The following USP7 variants were observed in gnomAD, a reference collection of about 807,000 sequenced individuals.
The protein encoded by USP7 is ubiquitin specific peptidase 7.
A neutral mutation model predicts 162.9 loss-of-function variants in USP7; 9 were observed. The ratio of observed to expected loss-of-function variants is 0.06; its 90% confidence interval spans 0.03 to 0.10. The LOEUF (loss-of-function observed/expected upper bound fraction) is 0.10. Ranked by LOEUF, USP7 falls within the 10% of genes least tolerant of loss-of-function variation. USP7 has a pLI of 1.00. For missense variants in USP7, 715 were observed against 1,373.7 expected, an observed-to-expected ratio of 0.52 and a Z score of 7.58; for synonymous variants, 562 against 475.9, an observed-to-expected ratio of 1.18 and a Z score of -2.35.
chr16:8,894,058 G>T lies in USP7; in HGVS notation c.3249C>A (p.Asn1083Lys). The T allele has an allele frequency of 6.2e-7, 1 of 1,614,184 alleles. No homozygotes were observed. The highest frequency in any genetic ancestry group is 8.5e-7 in the Non-Finnish European group (1 of 1,180,030). ...TGTAGCGACTCCTCTTTGGGGCTTT[G>T]TTGAAGTGGTCGAGCCCTAGCCAAG... ...PRPWLGLDHF[N>K]KAPKRSRYTY... The change falls in exon 31 of 31, where the codon AAC becomes AAA. Residue 1083 changes from asparagine (N) to lysine (K), a missense_variant. Physicochemically the swap from Asn to Lys is moderately conservative, Grantham distance 94. Around this residue, in one of 11 missense-constraint regions of USP7, gnomAD observed 222 missense variants for 441.7 expected, o/e 0.50. Transcript: ENST00000344836.
intron 2 of USP7, among the ~76,000 whole-genome samples, chr16:8,927,275 T>C (rs1186229879): frequency 1.3e-5 from 2 of 149,886 alleles, no homozygotes; most frequent in Middle Eastern, 3.4e-3. Flanking sequence ...TGAACCGAGA[T>C]TGCGCCACTG....
At chr16:8,936,818 A>G in intron 1 of USP7, 4 of 1,152,394 alleles carry the variant, frequency 3.5e-6, no homozygotes, top group Non-Finnish European at 4.4e-6. Flanking sequence ...AGAAGAGGAT[A>G]TTAATGGAAA....
intron 30 of USP7, 137 bp downstream of exon 30, chr16:8,894,413 T>C (rs1322443721): frequency 1.3e-6 from 1 of 765,778 alleles, no homozygotes; most frequent in Non-Finnish European, 2.1e-6. Flanking sequence ...TGGAATGCTA[T>C]TGCTCCTGGT....
At chr16:8,902,717 G>T (rs566529604) in intron 16 of USP7, among the ~76,000 whole-genome samples, 1 of 151,944 alleles carries the variant, frequency 6.6e-6, no homozygotes, top group Non-Finnish European at 1.5e-5. Context: ...GTGAACTCTC[G>T]TCTCTACTAA....
At chr16:8,912,269 T>G (rs1299584389) in intron 10 of USP7, among the ~76,000 whole-genome samples, 1 of 151,608 alleles carries the variant, frequency 6.6e-6, no homozygotes, top group African/African-American at 2.4e-5. Context: ...CTGGCCAACA[T>G]GGTGAAACCC....
At chr16:8,946,279 C>CACA (rs914841175) in intron 1 of USP7, among the ~76,000 whole-genome samples, 5 of 152,122 alleles carry the variant, frequency 3.3e-5, no homozygotes, top group African/African-American at 1.2e-4. Context: ...AAAAACAAAA[C>CACA]ACAACAACAA....
intron 2 of USP7, among the ~76,000 whole-genome samples, chr16:8,928,694 G>A (rs1053147489): frequency 2.0e-5 from 3 of 152,204 alleles, no homozygotes; most frequent in African/African-American, 7.2e-5. Context: ...AAGGAAAGGT[G>A]CTACGGAAGA....
At chr16:8,909,272 T>C (rs1033596043) in intron 11 of USP7, among the ~76,000 whole-genome samples, 2 of 152,186 alleles carry the variant, frequency 1.3e-5, no homozygotes, top group Non-Finnish European at 2.9e-5. Flanking sequence ...CTATTTCCAA[T>C]GCAGACCTTC....
intron 1 of USP7, among the ~76,000 whole-genome samples, chr16:8,941,050 T>C (rs1282890398): frequency 3.3e-5 from 5 of 152,206 alleles, no homozygotes; most frequent in African/African-American, 9.7e-5. Flanking sequence ...CAGCCACTGA[T>C]TGGAAAGTGG....
In USP7 at chr16:8,893,160, T is replaced by G. The variant is rs1229651324; in HGVS notation, c.*838A>C. ...TAACTTTTTTACAAAGTCGACAGCT[T>G]ACTAACCACTAGTGAGCATGCCCTC... On this transcript the variant is annotated 3_prime_UTR_variant, in exon 31 of 31. Coordinates refer to ENST00000344836, the MANE Select transcript of USP7 (RefSeq NM_003470.3). 6.6e-6 allele frequency: 1 copy of G among 152,240 alleles called. No individual in the cohort carries two copies. The highest frequency in any genetic ancestry group is 1.9e-4 in the East Asian group (1 of 5,202). 9.4% of individuals were successfully genotyped at this position (152,240 alleles called of 1,614,324 possible).
intron 1 of USP7, chr16:8,936,768 C>T: frequency 7.6e-7 from 1 of 1,312,416 alleles, no homozygotes; most frequent in Non-Finnish European, 9.7e-7. Context: ...GGACCAGAAA[C>T]ATTCAAGCAA....
In USP7 at chr16:8,915,314, G is replaced by A. The variant is rs944748771; in HGVS notation, c.1018C>T (p.Arg340Trp). 4 of 1,612,810 alleles carry A rather than the reference G, an allele frequency of 2.5e-6. No homozygotes were observed. Among genetic ancestry groups the A allele is most frequent in the Non-Finnish European group, 2.5e-6 (3 of 1,179,766 alleles). Residue 340 changes from arginine to tryptophan, a missense_variant, in exon 10 of 31, where the codon CGG (arginine) becomes TGG (tryptophan). By Grantham distance (101) the Arg-to-Trp change is moderately radical. This residue lies in a region of USP7 where 15 missense variants were observed against 27.0 expected (regional missense o/e 0.56). Transcript: ENST00000344836. Reference protein sequence around the residue: ...SYIQCKEVDYRSDRREDYYDI... With the variant: ...SYIQCKEVDYWSDRREDYYDI... ...TAATAATCTTCTCTTCTATCAGACCGATAGTCTACTTCTTTACACTGGATA... is the reference window on the plus strand; with the variant it reads ...TAATAATCTTCTCTTCTATCAGACCAATAGTCTACTTCTTTACACTGGATA...
rs2061624312 is a variant in USP7, at chr16:8,893,047, C to T, written c.*951G>A. On this transcript the variant is annotated 3_prime_UTR_variant, in exon 31 of 31. Transcript: ENST00000344836. ...TCAGTGAAATTCACTTGCAGACTCA[C>T]CCAACAAAAAGGAACCTCCTCCCAG... The T allele has an allele frequency of 6.6e-6, 1 of 152,176 alleles. No homozygotes were observed. Among genetic ancestry groups the T allele is most frequent in the South Asian group, 2.1e-4 (1 of 4,822 alleles). 9.4% of individuals were successfully genotyped at this position (152,176 alleles called of 1,614,324 possible).
chr16:8,925,088 T>C (rs1715756609), intron 2 of USP7, among the ~76,000 whole-genome samples: 1 of 152,166 alleles, frequency 6.6e-6, no homozygotes, highest in Admixed American at 6.5e-5. Flanking sequence ...AATTCACAGC[T>C]GATCAGGAGT....
chr16:8,955,527 G>T (rs1241864571), intron 1 of USP7, among the ~76,000 whole-genome samples: 1 of 152,030 alleles, frequency 6.6e-6, no homozygotes, highest in Non-Finnish European at 1.5e-5. Context: ...GGCCAACATG[G>T]GGAAACCGTC....
rs150647814 is a variant in USP7, at chr16:8,929,122, T to C, written c.184+1171A>G. Among the ~76,000 whole-genome samples, 449 of 152,048 alleles carry C rather than the reference T, an allele frequency of 3.0e-3. 2 individuals are homozygous for C. The highest frequency in any genetic ancestry group is 0.01 in the African/African-American group (425 of 41,438). On this transcript the variant is annotated intron_variant, in intron 2 of 30. Transcript: ENST00000344836. ...GGGAACTAGACCCGGAATGTTCCGA[T>C]AGGGCAGGGCCTGTCACTGCTACAC...
At chr16:8,955,981 C>T (rs936937444) in intron 1 of USP7, among the ~76,000 whole-genome samples, 1 of 152,130 alleles carries the variant, frequency 6.6e-6, no homozygotes, top group African/African-American at 2.4e-5. Context: ...CACCCAGACA[C>T]TTGCAGCCCC....
chr16:8,913,579 A>G (rs894838289), intron 10 of USP7, among the ~76,000 whole-genome samples: 1 of 152,058 alleles, frequency 6.6e-6, no homozygotes, highest in Admixed American at 6.5e-5. Flanking sequence ...TGTCTTTCAC[A>G]ACTGCAGATG....
intron 1 of USP7, among the ~76,000 whole-genome samples, chr16:8,962,006 G>GT (rs1900035424): frequency 6.6e-6 from 1 of 152,150 alleles, no homozygotes; most frequent in African/African-American, 2.4e-5. Flanking sequence ...CATTTTTTCA[G>GT]TGACTATCCA....
Sources: allele counts gnomAD v4.1 joint callset (sites outside exome capture counted in the v4.1 genomes callset), GRCh38; gene constraint gnomAD v4.1.1; regional missense constraint gnomAD v4.1.1; transcripts MANE v1.5; gene names NCBI Gene and HGNC (gene_info 2026-07-23, HGNC 2026-07-21).